RFX3: variants seen among roughly 807,000 people sequenced by gnomAD.
RFX3 encodes the protein regulatory factor X3, also known as transcription factor RFX3.
A neutral mutation model predicts 98.6 loss-of-function variants in RFX3; 14 were observed. That is an observed-to-expected ratio of 0.14 (90% CI 0.09 to 0.22). RFX3 has a LOEUF of 0.22. Ranked by LOEUF, RFX3 falls within the 10% of genes least tolerant of loss-of-function variation. RFX3 has a pLI of 1.00. For missense variants in RFX3, 639 were observed against 926.9 expected (o/e 0.69, Z 4.03); for synonymous variants, 383 against 328.4 (o/e 1.17, Z -1.80).
chr9:3,369,278 C>T (rs979853287), intron 2 of RFX3, among the ~76,000 whole-genome samples: 5 of 152,156 alleles, frequency 3.3e-5, no homozygotes, highest in Admixed American at 1.3e-4. Context: ...TGCTTTCTGG[C>T]TCATAGACTG....
chr9:3,389,527 T>A (rs1038635608), intron 2 of RFX3, among the ~76,000 whole-genome samples: 1 of 152,266 alleles, frequency 6.6e-6, no homozygotes, highest in South Asian at 2.1e-4. Context: ...TGTGAGATCA[T>A]GAAAAGACAG....
intron 1 of RFX3, among the ~76,000 whole-genome samples, chr9:3,469,726 A>G (rs1223968040): frequency 3.9e-5 from 6 of 152,124 alleles, no homozygotes; most frequent in African/African-American, 1.2e-4. Context: ...TCAACAATGA[A>G]AGAAAAACAG....
intron 1 of RFX3, among the ~76,000 whole-genome samples, chr9:3,396,454 G>T (rs74490352): frequency 0.1 from 15,715 of 152,104 alleles, 929 homozygotes; most frequent in African/African-American, 0.16. Context: ...TGGACATTTG[G>T]CTTGGTTCCG....
Position 3,317,860 on chromosome 9 carries a change from A to G in RFX3, c.474+12399T>C, listed in dbSNP as rs544204534. 4.4e-3 allele frequency among the ~76,000 whole-genome samples: 667 copies of G among 152,336 alleles called. 5 individuals are homozygous for G. The highest frequency in any genetic ancestry group is 0.015 in the African/African-American group (641 of 41,572). On this transcript the variant is annotated intron_variant, in intron 4 of 16. Coordinates refer to ENST00000617270, the MANE Select transcript of RFX3 (RefSeq NM_001282116.2). ...CCAGTTAGAATGGCGATCATTAAAA[A>G]GTCAGGAAACAACAGGTGCTGGAGA... is the stretch of plus-strand genomic sequence containing the variant.
At chr9:3,258,555 T>C (rs954795942) in intron 13 of RFX3, among the ~76,000 whole-genome samples, 6 of 152,074 alleles carry the variant, frequency 3.9e-5, no homozygotes, top group Admixed American at 6.6e-5. Flanking sequence ...GATGATACTA[T>C]TCACTGTCTT....
intron 1 of RFX3, among the ~76,000 whole-genome samples, chr9:3,417,423 G>C (rs1487946285): frequency 1.3e-5 from 2 of 151,946 alleles, no homozygotes; most frequent in Non-Finnish European, 2.9e-5. Context: ...GACCATACCT[G>C]ATCACAAACA....
At chr9:3,404,393 T>C (rs1437414210) in intron 1 of RFX3, among the ~76,000 whole-genome samples, 6 of 151,910 alleles carry the variant, frequency 3.9e-5, no homozygotes, top group African/African-American at 1.2e-4. Flanking sequence ...AACAGAAAAA[T>C]TATTTCTCTG....
chr9:3,361,273 A>T (rs1274269202), intron 2 of RFX3, among the ~76,000 whole-genome samples: 2 of 152,172 alleles, frequency 1.3e-5, no homozygotes, highest in African/African-American at 4.8e-5. Context: ...TTACAAAAGT[A>T]ACCTTGTGAG....
At chr9:3,372,200 A>T (rs1837939509) in intron 2 of RFX3, among the ~76,000 whole-genome samples, 1 of 152,220 alleles carries the variant, frequency 6.6e-6, no homozygotes, top group African/African-American at 2.4e-5. Context: ...CCACCCCTGT[A>T]TCTCTCTGCC....
chr9:3,271,149 T>C (rs1349525268), intron 9 of RFX3, 31 bp from the exon 10 acceptor site: 1 of 1,580,196 alleles, frequency 6.3e-7, no homozygotes. Context: ...AGTATTACCT[T>C]ACAATATTAT....
intron 5 of RFX3, among the ~76,000 whole-genome samples, chr9:3,297,690 TA>T (rs1267176497): frequency 6.6e-6 from 1 of 151,928 alleles, no homozygotes; most frequent in Non-Finnish European, 1.5e-5. Flanking sequence ...GAAAAGTGAG[TA>T]AAAAACAAGG....
At chr9:3,238,565 G>A (rs907796491) in intron 15 of RFX3, among the ~76,000 whole-genome samples, 2 of 152,112 alleles carry the variant, frequency 1.3e-5, no homozygotes, top group East Asian at 3.8e-4. Flanking sequence ...GCCCTTTAAA[G>A]CCCTTTTTAG....
At chr9:3,469,111 T>C (rs1469489991) in intron 1 of RFX3, 1 of 437,258 alleles carries the variant, frequency 2.3e-6, no homozygotes, top group Non-Finnish European at 4.6e-6. Context: ...ACAATGAAAC[T>C]ATGTTACAGA....
At chr9:3,441,839 C>G (rs1845635401) in intron 1 of RFX3, among the ~76,000 whole-genome samples, 1 of 152,078 alleles carries the variant, frequency 6.6e-6, no homozygotes, top group Admixed American at 6.6e-5. Context: ...AAACCCTCCC[C>G]TCCTTGGGCA....
chr9:3,406,441 C>T (rs1222200800), intron 1 of RFX3, among the ~76,000 whole-genome samples: 4 of 151,974 alleles, frequency 2.6e-5, no homozygotes, highest in Admixed American at 1.3e-4. Flanking sequence ...TAGTGTCCTC[C>T]TGGTATTCCT....
At chr9:3,388,507 CAAT>C (rs1839953486) in intron 2 of RFX3, among the ~76,000 whole-genome samples, 1 of 151,992 alleles carries the variant, frequency 6.6e-6, no homozygotes, top group African/African-American at 2.4e-5. Context: ...AAAAAGAAAC[CAAT>C]ATAGCCAACT....
intron 14 of RFX3, among the ~76,000 whole-genome samples, chr9:3,251,981 T>C (rs1464020975): frequency 6.6e-6 from 1 of 152,122 alleles, no homozygotes. Flanking sequence ...CCCGAGTAGC[T>C]GGGATTACAA....
At chr9:3,258,351 G>A (rs1270235780) in intron 13 of RFX3, among the ~76,000 whole-genome samples, 1 of 151,980 alleles carries the variant, frequency 6.6e-6, no homozygotes, top group Non-Finnish European at 1.5e-5. Context: ...CAAAAAACAA[G>A]TTCATTCAAA....
In RFX3 at chr9:3,266,262, T is replaced by C. The variant is rs1037348126; in HGVS notation, c.1401A>G (p.Glu467=). 4.3e-6 allele frequency: 7 copies of C among 1,611,698 alleles called. No homozygotes were observed. The highest frequency in any genetic ancestry group is 3.3e-5 in the Admixed American group (2 of 59,918). ...TGTTCATGGCATTGGAAAGCCAACC[T>C]TCAAGGCTTTTTGCAAAATTTCGAA... The part of the protein sequence containing the change: ...QAIRNFAKSL[E]GWLSNAMNNI... The change falls in exon 12 of 17, where the codon GAA becomes GAG. Residue 467 remains glutamate, a synonymous_variant. Coordinates refer to ENST00000617270, the MANE Select transcript of RFX3 (RefSeq NM_001282116.2).
Sources: allele counts gnomAD v4.1 joint callset (sites outside exome capture counted in the v4.1 genomes callset), GRCh38; gene constraint gnomAD v4.1.1; transcripts MANE v1.5; gene names NCBI Gene and HGNC (gene_info 2026-07-23, HGNC 2026-07-21).